MBD2: variants seen among roughly 807,000 people sequenced by gnomAD.
MBD2 encodes methyl-CpG binding domain protein 2.
In MBD2, 9 loss-of-function variants were observed where a neutral mutation model predicts 39.3. The ratio of observed to expected loss-of-function variants is 0.23; its 90% CI spans 0.14 to 0.40. MBD2 has a LOEUF of 0.40. Among genes scored for constraint, MBD2 ranks in the 10% least tolerant of loss-of-function variants. The probability of loss-of-function intolerance (pLI) is 1.00; values close to 1 mark genes in which losing one functional copy is unlikely to be tolerated. For missense variants in MBD2, 458 were observed against 532.6 expected (o/e 0.86, Z 1.38); for synonymous variants, 233 against 211.1 (o/e 1.10, Z -0.90).
chr18:54,203,631 C>G (rs940572631), intron 2 of MBD2, among the ~76,000 whole-genome samples: 1 of 152,216 alleles, frequency 6.6e-6, no homozygotes, highest in Non-Finnish European at 1.5e-5. Context: ...ATTTTGACCT[C>G]TGTATCAATT....
At chr18:54,187,794 C>G (rs1293895101) in intron 3 of MBD2, 1 of 985,704 alleles carries the variant, frequency 1.0e-6, no homozygotes, top group African/African-American at 1.7e-5. Context: ...TAGCAAGATG[C>G]TGATCCAATG....
Position 54,224,232 on chromosome 18 carries a change from C to T in MBD2, c.328G>A (p.Gly110Ser), listed in dbSNP as rs1260217389. The T allele has an allele frequency of 1.7e-4, 145 of 858,648 alleles. No individual in the cohort carries two copies. The highest frequency in any genetic ancestry group is 2.0e-4 in the Non-Finnish European group (142 of 706,670). The allele number at this position is 858,648 out of a possible 1,614,324, so 53.2% of individuals were successfully genotyped here. ...GGSGLGGDGG[G>S]CGGGGSGGGG... Reference sequence around the variant, plus strand: ...CCACCGCTGCCGCCGCCGCCGCAGCCGCCGCCGTCGCCGCCAAGGCCGCTG... The same window carrying T: ...CCACCGCTGCCGCCGCCGCCGCAGCTGCCGCCGTCGCCGCCAAGGCCGCTG... Residue 110 changes from glycine to serine, a missense_variant, in exon 1 of 7, where the codon GGC becomes AGC. Physicochemically the swap from Gly to Ser is moderately conservative, Grantham distance 56 (BLOSUM62 0). Coordinates refer to ENST00000256429, the MANE Select transcript of MBD2 (RefSeq NM_003927.5).
chr18:54,223,420 C>G (rs550970704), intron 1 of MBD2, among the ~76,000 whole-genome samples: 1 of 152,330 alleles, frequency 6.6e-6, no homozygotes, highest in Admixed American at 6.5e-5. Flanking sequence ...CCGAAAATGT[C>G]TCCAGACATT....
rs915163948 is a variant in MBD2 at position 54,217,159 on chromosome 18, C to A, written c.542+6859G>T. Among the ~76,000 whole-genome samples the A allele has an allele frequency of 4.6e-5, 7 of 152,172 alleles. No individual in the cohort carries two copies. In the East Asian group the frequency reaches 9.6e-4, roughly 21 times the overall value. On this transcript the variant is annotated intron_variant, in intron 1 of 6. Transcript: ENST00000256429. ...TTCTTCCTCACATCTGTAAAACACT[C>A]GATTACTCCTGAGAAATGCGAAGTG...
At chr18:54,193,332 G>A (rs2086337350) in intron 2 of MBD2, among the ~76,000 whole-genome samples, 1 of 152,142 alleles carries the variant, frequency 6.6e-6, no homozygotes. Context: ...AAAAAGTGAA[G>A]CAGAAATTCT....
intron 3 of MBD2, 57 bp downstream of exon 3, chr18:54,188,817 G>A: frequency 6.6e-7 from 1 of 1,510,354 alleles, no homozygotes; most frequent in South Asian, 1.3e-5. Context: ...ATTATTTCTG[G>A]TAAAAATACC....
chr18:54,180,987 C>T (rs2086248430), intron 3 of MBD2, among the ~76,000 whole-genome samples: 1 of 147,660 alleles, frequency 6.8e-6, no homozygotes, highest in Non-Finnish European at 1.5e-5. Flanking sequence ...ACCACTGCCT[C>T]CTGGGTTCAA....
chr18:54,160,519 A>C (rs2086088678), intron 5 of MBD2, among the ~76,000 whole-genome samples: 1 of 151,710 alleles, frequency 6.6e-6, no homozygotes, highest in Admixed American at 6.6e-5. Flanking sequence ...ACATGCCATG[A>C]GTTTCTCTGT....
chr18:54,221,183 C>T (rs925414693), intron 1 of MBD2, among the ~76,000 whole-genome samples: 1 of 152,178 alleles, frequency 6.6e-6, no homozygotes, highest in Non-Finnish European at 1.5e-5. Flanking sequence ...CGGGGCCGGG[C>T]GCGATGGCTC....
intron 3 of MBD2, among the ~76,000 whole-genome samples, chr18:54,176,801 A>G (rs1400565938): frequency 6.6e-6 from 1 of 152,232 alleles, no homozygotes; most frequent in Non-Finnish European, 1.5e-5. Flanking sequence ...AGATAATGAC[A>G]AGAAAATTAT....
chr18:54,207,362 CTTCAA>C (rs770862933), intron 1 of MBD2, among the ~76,000 whole-genome samples: 8 of 152,206 alleles, frequency 5.3e-5, no homozygotes, highest in Non-Finnish European at 8.8e-5. Context: ...TTCTGGGATT[CTTCAA>C]TTCAAGTCAG....
At chr18:54,177,827 CTTTTTTTTT>C (rs34113185) in intron 3 of MBD2, among the ~76,000 whole-genome samples, 6 of 87,198 alleles carry the variant, frequency 6.9e-5, no homozygotes, top group African/African-American at 9.0e-5. Flanking sequence ...TTTTTCCTCT[CTTTTTTTTT>C]TTTTTTTTTT....
chr18:54,207,722 C>G (rs1281758912), intron 1 of MBD2, among the ~76,000 whole-genome samples: 1 of 152,178 alleles, frequency 6.6e-6, no homozygotes, highest in Non-Finnish European at 1.5e-5. Flanking sequence ...AGTAACATTA[C>G]TCTGCCATTA....
chr18:54,179,691 A>T (rs997805789), intron 3 of MBD2, among the ~76,000 whole-genome samples: 1 of 152,226 alleles, frequency 6.6e-6, no homozygotes, highest in Non-Finnish European at 1.5e-5. Context: ...TCCATTCATA[A>T]GAAATATTCT....
intron 3 of MBD2, among the ~76,000 whole-genome samples, chr18:54,183,773 T>A (rs987849130): frequency 6.6e-6 from 1 of 152,050 alleles, no homozygotes; most frequent in Non-Finnish European, 1.5e-5. Flanking sequence ...AAGTGGATAA[T>A]TTTTTTTAAG....
intron 1 of MBD2, among the ~76,000 whole-genome samples, chr18:54,216,021 G>A (rs1407619229): frequency 6.6e-6 from 1 of 151,598 alleles, no homozygotes; most frequent in Non-Finnish European, 1.5e-5. Flanking sequence ...TGGTCAGGCT[G>A]GTCTTGAACT....
chr18:54,198,458 T>C (rs2086382235), intron 2 of MBD2, among the ~76,000 whole-genome samples: 1 of 152,218 alleles, frequency 6.6e-6, no homozygotes, highest in African/African-American at 2.4e-5. Flanking sequence ...CTCACGCCTG[T>C]AATCCTAGCA....
chr18:54,211,166 C>T (rs765847315), intron 1 of MBD2, among the ~76,000 whole-genome samples: 11 of 151,984 alleles, frequency 7.2e-5, no homozygotes, highest in East Asian at 1.9e-4. Context: ...CCACCGCGCC[C>T]GGCCAACTTT....
Position 54,154,366 on chromosome 18 carries a change from C to A in MBD2, c.*958G>T, listed in dbSNP as rs1424684769. On this transcript the variant is annotated 3_prime_UTR_variant, in exon 7 of 7. Coordinates refer to ENST00000256429, the MANE Select transcript of MBD2 (RefSeq NM_003927.5). The stretch of plus-strand genomic sequence containing the variant: ...GTAATGGTTTGTAAAGTATTACAAA[C>A]CCTTTCATTAAGCAACTCTGTCTAG... The A allele has an allele frequency of 2.0e-5, 3 of 152,172 alleles. No individual in the cohort carries two copies. Among genetic ancestry groups the A allele is most frequent in the Non-Finnish European group, 4.4e-5 (3 of 68,014 alleles). 9.4% of individuals were successfully genotyped at this position (152,172 alleles called of 1,614,324 possible). A position where few individuals can be genotyped will look rare whatever the true frequency, so the allele number is the denominator to read the frequency against.
Sources: allele counts gnomAD v4.1 joint callset (sites outside exome capture counted in the v4.1 genomes callset), GRCh38; gene constraint gnomAD v4.1.1; transcripts MANE v1.5; gene names NCBI Gene and HGNC (gene_info 2026-07-23, HGNC 2026-07-21).